Variants in PDE4D observed in about 807,000 individuals in gnomAD.
The protein encoded by PDE4D is phosphodiesterase 4D, also known as 3',5'-cyclic-AMP phosphodiesterase 4D.
Under a neutral mutation model 87.4 loss-of-function variants are expected in PDE4D, and 24 were observed. The observed-to-expected ratio is 0.27, with a 90% confidence interval of 0.20 to 0.39. The LOEUF (loss-of-function observed/expected upper bound fraction) is 0.39. PDE4D is among the 10% of genes least tolerant of loss of function. The probability of loss-of-function intolerance (pLI) is 1.00; values close to 1 mark genes in which losing one functional copy is unlikely to be tolerated. For synonymous variants in PDE4D, 384 were observed against 383.2 expected, an observed-to-expected ratio of 1.00 and a Z score of -0.02; for missense variants, 714 against 1,041.0, an observed-to-expected ratio of 0.69 and a Z score of 4.32.
intron 1 of PDE4D, among the ~76,000 whole-genome samples, chr5:60,314,760 G>C (rs1329647295): frequency 6.6e-6 from 1 of 152,010 alleles, no homozygotes; most frequent in Non-Finnish European, 1.5e-5. Flanking sequence ...CTTTGTGATA[G>C]TTTGCTGAGA....
intron 1 of PDE4D, among the ~76,000 whole-genome samples, chr5:59,649,583 G>C (rs1488856794): frequency 1.3e-5 from 2 of 151,982 alleles, no homozygotes; most frequent in African/African-American, 2.4e-5. Flanking sequence ...CCAAAGGGGA[G>C]ATTGTAGAAT....
chr5:60,013,478 A>ATT (rs886562596), intron 2 of PDE4D, among the ~76,000 whole-genome samples: 65 of 152,242 alleles, frequency 4.3e-4, no homozygotes, highest in African/African-American at 1.5e-3. Flanking sequence ...GTGTGTGTGT[A>ATT]TGCATATGTG....
intron 2 of PDE4D, among the ~76,000 whole-genome samples, chr5:60,010,556 T>A (rs1353026954): frequency 6.6e-6 from 1 of 152,110 alleles, no homozygotes; most frequent in Non-Finnish European, 1.5e-5. Context: ...GCACATGACA[T>A]CTGTGTACCC....
intron 11 of PDE4D, among the ~76,000 whole-genome samples, chr5:58,983,060 T>C (rs1745594774): frequency 1.3e-5 from 2 of 152,184 alleles, no homozygotes; most frequent in South Asian, 4.1e-4. Context: ...ATTGCACATA[T>C]GGCCATTCCC....
intron 1 of PDE4D, among the ~76,000 whole-genome samples, chr5:59,459,515 T>C (rs1800434029): frequency 2.0e-5 from 3 of 152,210 alleles, no homozygotes; most frequent in African/African-American, 7.2e-5. Context: ...GGTATCAGTA[T>C]TTTAATATTA....
chr5:59,954,246 T>A (rs971879225), intron 3 of PDE4D, among the ~76,000 whole-genome samples: 4 of 152,068 alleles, frequency 2.6e-5, no homozygotes, highest in African/African-American at 9.7e-5. Context: ...TTAAAAGGGA[T>A]GAATAGCAAG....
intron 1 of PDE4D, among the ~76,000 whole-genome samples, chr5:59,592,370 C>T (rs1228242006): frequency 2.0e-5 from 3 of 152,152 alleles, no homozygotes; most frequent in Non-Finnish European, 4.4e-5. Flanking sequence ...CAGGGAAATG[C>T]ATCATGTTTC....
At chr5:59,515,531 T>C (rs1435164267) in intron 1 of PDE4D, among the ~76,000 whole-genome samples, 1 of 152,220 alleles carries the variant, frequency 6.6e-6, no homozygotes, top group African/African-American at 2.4e-5. Flanking sequence ...ATGATACGAT[T>C]GTCTACAAAG....
At chr5:60,340,143 G>C (rs1178653951) in intron 1 of PDE4D, among the ~76,000 whole-genome samples, 2 of 152,012 alleles carry the variant, frequency 1.3e-5, no homozygotes, top group Non-Finnish European at 1.5e-5. Flanking sequence ...AAGCAAAACA[G>C]GGATCCGGGC....
At chr5:60,175,254 T>C (rs919775058) in intron 2 of PDE4D, among the ~76,000 whole-genome samples, 1 of 152,178 alleles carries the variant, frequency 6.6e-6, no homozygotes, top group Non-Finnish European at 1.5e-5. Context: ...ACTATGTTTT[T>C]AATTTCTAGC....
At chr5:60,412,295 C>T (rs987405218) in intron 1 of PDE4D, among the ~76,000 whole-genome samples, 3 of 152,106 alleles carry the variant, frequency 2.0e-5, no homozygotes, top group South Asian at 2.1e-4. Context: ...ATTTTGTTGC[C>T]GTTACCCAAC....
At chr5:59,334,778 T>TAA (rs566180156) in intron 1 of PDE4D, among the ~76,000 whole-genome samples, 1 of 146,288 alleles carries the variant, frequency 6.8e-6, no homozygotes, top group African/African-American at 2.5e-5. Context: ...TCCCCATTCC[T>TAA]AAAAAAAAAA....
chr5:60,120,536 T>C (rs1484074842), intron 2 of PDE4D, among the ~76,000 whole-genome samples: 1 of 152,152 alleles, frequency 6.6e-6, no homozygotes, highest in Non-Finnish European at 1.5e-5. Flanking sequence ...ACTCTTCCCC[T>C]GGGATAATGA....
intron 1 of PDE4D, among the ~76,000 whole-genome samples, chr5:60,373,771 C>T (rs1699685367): frequency 6.6e-6 from 1 of 152,158 alleles, no homozygotes. Context: ...AATCTATTTT[C>T]CTGCTTTTTC....
At chr5:59,574,134 A>ATTTT (rs373532206) in intron 1 of PDE4D, among the ~76,000 whole-genome samples, 115 of 4,670 alleles carry the variant, frequency 0.025, 7 homozygotes, top group Admixed American at 0.04. Context: ...ATATTTATAT[A>ATTTT]TATATATATA....
intron 5 of PDE4D, among the ~76,000 whole-genome samples, chr5:59,075,790 T>C (rs1765594803): frequency 6.6e-6 from 1 of 152,186 alleles, no homozygotes; most frequent in Non-Finnish European, 1.5e-5. Context: ...TTTATTTTTC[T>C]AAATATTCCT....
At chr5:60,422,870 G>T (rs1415776606) in intron 1 of PDE4D, among the ~76,000 whole-genome samples, 1 of 152,050 alleles carries the variant, frequency 6.6e-6, no homozygotes, top group Non-Finnish European at 1.5e-5. Flanking sequence ...CAAATGGAAA[G>T]CAAAAAGAAG....
intron 1 of PDE4D, among the ~76,000 whole-genome samples, chr5:60,478,381 A>G (rs1748483401): frequency 6.6e-6 from 1 of 152,190 alleles, no homozygotes; most frequent in African/African-American, 2.4e-5. Context: ...ATGGCCTCCA[A>G]GAAAAACAAA....
intron 1 of PDE4D, among the ~76,000 whole-genome samples, chr5:60,319,723 T>A (rs1756023396): frequency 6.6e-6 from 1 of 152,206 alleles, no homozygotes; most frequent in South Asian, 2.1e-4. Context: ...CAGCTTCAGG[T>A]CTGTTGGAGT....
Sources: allele counts gnomAD v4.1 joint callset (sites outside exome capture counted in the v4.1 genomes callset), GRCh38; gene constraint gnomAD v4.1.1; transcripts MANE v1.5; gene names NCBI Gene and HGNC (gene_info 2026-07-23, HGNC 2026-07-21).